The following CAPN15 variants were observed in gnomAD, a reference collection of about 807,000 sequenced individuals.
The protein encoded by CAPN15 is calpain-15.
CAPN15 carries 53 observed loss-of-function variants against 97.9 expected under a neutral mutation model. The ratio of observed to expected loss-of-function variants is 0.54; its 90% confidence interval spans 0.43 to 0.68. The LOEUF (loss-of-function observed/expected upper bound fraction) is 0.68. Ranked by LOEUF, CAPN15 falls within the 30% of genes least tolerant of loss-of-function variation. CAPN15 has a pLI of 0.00. For missense variants in CAPN15, 1,592 were observed against 1,589.8 expected (o/e 1.00, Z -0.02); for synonymous variants, 922 against 722.5 (o/e 1.28, Z -4.43).
Position 527,932 on chromosome 16 carries a change from C to T in CAPN15, c.-287C>T, listed in dbSNP as rs1027186963. The T allele has an allele frequency of 2.7e-5, 4 of 145,926 alleles. No individual in the cohort carries two copies. The highest frequency in any genetic ancestry group is 9.8e-5 in the African/African-American group (4 of 40,762). The allele number at this position is 145,926 out of a possible 1,614,324, so 9.0% of individuals were successfully genotyped here. A position where few individuals can be genotyped will look rare whatever the true frequency, so the allele number is the denominator to read the frequency against. ...GAGGGGCCCCGCCGCTCTCCGGAGGCAGAAGTTGTGGATCGGCCGGCGGGG... is the reference window on the plus strand; with the variant it reads ...GAGGGGCCCCGCCGCTCTCCGGAGGTAGAAGTTGTGGATCGGCCGGCGGGG... On this transcript the variant is annotated 5_prime_UTR_variant, in exon 1 of 14. Transcript: ENST00000219611.
rs2032969324 is a variant in CAPN15, at chr16:527,998, CGAGGACGAGGCGGCGCCGCCGGGCTGT to C, written c.-219_-193del. On this transcript the variant is annotated 5_prime_UTR_variant, in exon 1 of 14. Transcript: ENST00000219611. ...GGCCGGGGCCGCGCTGCCCGGGCCGCGAGGACGAGGCGGCGCCGCCGGGCTGTGGAGGTGAGTCCCGTCGGCCGGGCC... is the reference window on the plus strand; with the variant it reads ...GGCCGGGGCCGCGCTGCCCGGGCCGCGGAGGTGAGTCCCGTCGGCCGGGCC... The C allele has an allele frequency of 7.0e-6, 1 of 142,178 alleles. No homozygotes were observed. The highest frequency in any genetic ancestry group is 2.2e-4 in the South Asian group (1 of 4,638). The allele number at this position is 142,178 out of a possible 1,614,324, so 8.8% of individuals were successfully genotyped here.
In CAPN15 at chr16:553,606, G is replaced by A; in HGVS notation, c.*90G>A. On this transcript the variant is annotated 3_prime_UTR_variant, in exon 14 of 14. Coordinates refer to ENST00000219611, the MANE Select transcript of CAPN15 (RefSeq NM_005632.3). ...GGAGACCCCGACAGAGGACGCTTGA[G>A]CCAGAATCTCAGGACCCCGCCCAGG... 1 of 813,392 alleles carries A rather than the reference G, an allele frequency of 1.2e-6. No individual in the cohort carries two copies. 50.4% of individuals were successfully genotyped at this position (813,392 alleles called of 1,614,324 possible).
At position 552,523 on chromosome 16, in the gene CAPN15, C is replaced by T. The variant is rs564719894; in HGVS notation, c.2730C>T (p.Ala910=). The T allele has an allele frequency of 9.4e-6, 15 of 1,600,758 alleles. No homozygotes were observed. Among genetic ancestry groups the T allele is most frequent in the Non-Finnish European group, 1.2e-5 (14 of 1,177,564 alleles). ...HWGPPLPGTP[A]PQASSPSAGV... ...GGCCGCCCCTGCCGGGCACCCCTGC[C>T]CCCCAGGGTACGTGGCCCCTACCCC... The change falls in exon 11 of 14, where the codon GCC becomes GCT. Residue 910 remains alanine, a synonymous_variant. Coordinates refer to ENST00000219611, the MANE Select transcript of CAPN15 (RefSeq NM_005632.3). This position sits in a 1 kb window ranked among gnomAD's most constrained non-coding sequence, Gnocchi z 6.4.
chr16:546,341 G>A (rs947265183), intron 3 of CAPN15, among the ~76,000 whole-genome samples: 2 of 152,360 alleles, frequency 1.3e-5, no homozygotes, highest in East Asian at 1.9e-4. Flanking sequence ...AGTCTGTCTC[G>A]GAGGCTGTGC....
chr16:547,831 C>G lies in CAPN15; in HGVS notation c.993C>G (p.Tyr331Ter). ...IIDLAGDTVR[Y>*]TPASPSSPDF... ...ACCTGGCCGGAGACACCGTGCGTTACACGCCCGCCAGCCCCTCCAGCCCCG... is the reference window on the plus strand; with the variant it reads ...ACCTGGCCGGAGACACCGTGCGTTAGACGCCCGCCAGCCCCTCCAGCCCCG... The change falls in exon 4 of 14, where the codon TAC (tyrosine) becomes TAG (stop). Residue 331 changes from tyrosine to a stop codon, truncating the protein, a stop_gained. Transcript: ENST00000219611. LOFTEE classifies it high-confidence loss of function. 6.2e-7 allele frequency: 1 copy of G among 1,609,552 alleles called. No homozygotes were observed. The highest frequency in any genetic ancestry group is 8.5e-7 in the Non-Finnish European group (1 of 1,178,790).
chr16:530,429 A>T (rs2033169332), intron 1 of CAPN15, among the ~76,000 whole-genome samples: 1 of 152,236 alleles, frequency 6.6e-6, no homozygotes, highest in Admixed American at 6.5e-5. Flanking sequence ...GTGCTCCAGG[A>T]AAGTAGCACA....
chr16:547,017 G>A lies in CAPN15; in HGVS notation c.179G>A (p.Gly60Asp). The change falls in exon 4 of 14, where the codon GGC becomes GAC. Residue 60 changes from glycine to aspartate, a missense_variant. Around this residue, in one of 3 missense-constraint regions of CAPN15, gnomAD observed 883 missense variants for 776.6 expected, o/e 1.14. Coordinates refer to ENST00000219611, the MANE Select transcript of CAPN15 (RefSeq NM_005632.3). Reference protein sequence around the residue: ...CARCTFRNFLGKEACEVCGFT... With the variant: ...CARCTFRNFLDKEACEVCGFT... ...CGCTGCACCTTCCGCAACTTCCTGG[G>A]CAAGGAGGCCTGCGAGGTGTGCGGC... 1.2e-6 allele frequency: 2 copies of A among 1,610,040 alleles called. No homozygotes were observed. The highest frequency in any genetic ancestry group is 1.7e-4 in the Middle Eastern group (1 of 6,058).
At chr16:544,845 CCACG>C (rs2034465997) in intron 3 of CAPN15, among the ~76,000 whole-genome samples, 1 of 95,228 alleles carries the variant, frequency 1.1e-5, no homozygotes, top group African/African-American at 6.3e-5. Context: ...GTCGCCTCCC[CCACG>C]TCGCCTCCCC....
At chr16:545,657 C>T (rs140179697) in intron 3 of CAPN15, among the ~76,000 whole-genome samples, 56 of 152,352 alleles carry the variant, frequency 3.7e-4, no homozygotes, top group Non-Finnish European at 6.5e-4. Flanking sequence ...TCTCATTCTC[C>T]TCTCTGGAGC....
rs2035272357 is a variant in CAPN15 at position 553,724 on chromosome 16, G to A, written c.*208G>A. ...ACAGTCCGCCTGGCCAGGCCTCCTG[G>A]CCGCCACGCAGAATACCTCGAACCA... On this transcript the variant is annotated 3_prime_UTR_variant, in exon 14 of 14. Coordinates refer to ENST00000219611, the MANE Select transcript of CAPN15 (RefSeq NM_005632.3). The A allele has an allele frequency of 2.1e-6, 1 of 473,242 alleles. No individual in the cohort carries two copies. The highest frequency in any genetic ancestry group is 3.7e-6 in the Non-Finnish European group (1 of 267,234). 29.3% of individuals were successfully genotyped at this position (473,242 alleles called of 1,614,324 possible). A position where few individuals can be genotyped will look rare whatever the true frequency, so the allele number is the denominator to read the frequency against.
At chr16:551,267 G>C in intron 7 of CAPN15, 35 bp from the exon 8 acceptor site, 7 of 1,542,994 alleles carry the variant, frequency 4.5e-6, no homozygotes, top group Non-Finnish European at 6.1e-6. Context: ...CTGTCGGTGA[G>C]GGTCCCGGTC....
rs2035056233 is a variant in CAPN15, at chr16:551,248, G to A, written c.2067-54G>A. On this transcript the variant is annotated intron_variant, in intron 7 of 13. Coordinates refer to ENST00000219611, the MANE Select transcript of CAPN15 (RefSeq NM_005632.3). ...CGGTCAGTGAGGGTCCCCGGTCGGT[G>A]AGGGTCCCCTGTCGGTGAGGGTCCC... 6.6e-6 allele frequency: 10 copies of A among 1,520,344 alleles called. No individual in the cohort carries two copies. In the East Asian group the frequency reaches 1.6e-4, roughly 24 times the overall value. 94.2% of individuals were successfully genotyped at this position (1,520,344 alleles called of 1,614,324 possible).
chr16:541,626 A>G (rs1226346578), intron 3 of CAPN15, among the ~76,000 whole-genome samples: 1 of 152,168 alleles, frequency 6.6e-6, no homozygotes, highest in Non-Finnish European at 1.5e-5. Flanking sequence ...TACCAGACTC[A>G]CCTGTTAAAA....
intron 3 of CAPN15, chr16:538,420 G>A (rs1020135364): frequency 1.3e-5 from 2 of 152,212 alleles, no homozygotes; most frequent in Non-Finnish European, 2.9e-5. Flanking sequence ...TCCTGTGACC[G>A]TTCTGCCTAC....
In CAPN15 at chr16:549,491, G is replaced by A. The variant is rs1596353436; in HGVS notation, c.1842+20G>A. 1.3e-6 allele frequency: 2 copies of A among 1,568,532 alleles called. No individual in the cohort carries two copies. The highest frequency in any genetic ancestry group is 2.7e-5 in the African/African-American group (2 of 73,788). ...TCACAGGTGGGGCGGCCTGCAGGGT[G>A]GGCACGGGCGGCAGGGGCAGCCTCT... On this transcript the variant is annotated intron_variant, in intron 6 of 13. Coordinates refer to ENST00000219611, the MANE Select transcript of CAPN15 (RefSeq NM_005632.3).
rs907685599 is a variant in CAPN15, at chr16:535,526, C to G, written c.-136-503C>G. Among the ~76,000 whole-genome samples the G allele has an allele frequency of 1.3e-5, 2 of 152,200 alleles. No individual in the cohort carries two copies. The highest frequency in any genetic ancestry group is 4.8e-5 in the African/African-American group (2 of 41,450). On this transcript the variant is annotated intron_variant, in intron 2 of 13. Coordinates refer to ENST00000219611, the MANE Select transcript of CAPN15 (RefSeq NM_005632.3). The surrounding 1 kb of genome is among the most constrained non-coding windows in gnomAD (Gnocchi z 6.2). The stretch of plus-strand genomic sequence containing the variant: ...GCCTCACCTCTGCAATTCTCTGAGG[C>G]TGGATCTAGGCCACCGCCCCGTTTA...
chr16:543,812 C>A (rs1391460574), intron 3 of CAPN15, among the ~76,000 whole-genome samples: 2 of 152,116 alleles, frequency 1.3e-5, no homozygotes, highest in Non-Finnish European at 2.9e-5. Context: ...GCGCGACAGC[C>A]CTGGCGTTTA....
chr16:550,155 G>A lies in CAPN15; in HGVS notation c.2066+317G>A, dbSNP rs372093112. ...TGGGGCGAGACTGATGCCGTCATCCGCCTCGGGGCAGGCGTGAGCGGCGTG... is the reference window on the plus strand; with the variant it reads ...TGGGGCGAGACTGATGCCGTCATCCACCTCGGGGCAGGCGTGAGCGGCGTG... On this transcript the variant is annotated intron_variant, in intron 7 of 13. Coordinates refer to ENST00000219611, the MANE Select transcript of CAPN15 (RefSeq NM_005632.3). Among the ~76,000 whole-genome samples the A allele has an allele frequency of 1.4e-4, 22 of 152,120 alleles. No homozygotes were observed. The East Asian group carries it at 1.5e-3, about 11-fold the overall frequency.
intron 7 of CAPN15, 91 bp from the exon 8 acceptor site, chr16:551,211 C>T (rs538249293): frequency 7.4e-5 from 108 of 1,464,900 alleles, no homozygotes; most frequent in Middle Eastern, 2.4e-4. Flanking sequence ...GGTCCCCAGT[C>T]GGTGAGGGTC....
Sources: allele counts gnomAD v4.1 joint callset (sites outside exome capture counted in the v4.1 genomes callset), GRCh38; gene constraint gnomAD v4.1.1; regional missense constraint gnomAD v4.1.1; non-coding constraint Gnocchi (gnomAD v3.1); transcripts MANE v1.5; gene names NCBI Gene and HGNC (gene_info 2026-07-23, HGNC 2026-07-21).